The following PALM variants were observed in gnomAD, a reference collection of about 807,000 sequenced individuals.
The protein encoded by PALM is paralemmin.
A neutral mutation model predicts 30.7 loss-of-function variants in PALM; 18 were observed. The observed-to-expected ratio is 0.59, with a 90% CI of 0.41 to 0.87. The LOEUF is 0.87. Among genes scored for constraint, PALM ranks in the 40% least tolerant of loss-of-function variants. PALM has a pLI of 0.00. For synonymous variants in PALM, 286 were observed against 242.8 expected, an observed-to-expected ratio of 1.18 and a Z score of -1.66; for missense variants, 529 against 555.4, an observed-to-expected ratio of 0.95 and a Z score of 0.48.
intron 4 of PALM, 26 bp downstream of exon 4, chr19:727,720 C>T (rs370206943): frequency 1.4e-5 from 22 of 1,522,456 alleles, no homozygotes; most frequent in Admixed American, 4.1e-5. Flanking sequence ...TGGGTGCCAC[C>T]GGGCTGGGTG....
intron 1 of PALM, among the ~76,000 whole-genome samples, chr19:725,753 G>C (rs879499397): frequency 6.6e-6 from 1 of 151,986 alleles, no homozygotes; most frequent in Non-Finnish European, 1.5e-5. Flanking sequence ...GGTCTTGGTG[G>C]GCAGGAGGGT....
chr19:726,222 C>G, intron 2 of PALM, 33 bp downstream of exon 2: 2 of 1,604,382 alleles, frequency 1.2e-6, no homozygotes, highest in Non-Finnish European at 1.7e-6. Context: ...ACGGTGTGGT[C>G]AGGGTGGGGA....
chr19:740,353 C>T lies in PALM; in HGVS notation c.504C>T (p.Ala168=). Residue 168 remains alanine, a splice_region_variant and synonymous_variant, in exon 8 of 9, where the codon GCC becomes GCT. Coordinates refer to ENST00000338448, the MANE Select transcript of PALM (RefSeq NM_002579.3). ...TVDGSPMMKA[A]MYSVEITVEK... is the part of the protein sequence containing the mutation. The stretch of plus-strand genomic sequence containing the variant: ...GTAACCCCGTGACTCTCGTGCCAGC[C>T]ATGTACTCGGTTGAGATCACTGTGG... 6.4e-7 allele frequency: 1 copy of T among 1,564,220 alleles called. No individual in the cohort carries two copies. Among genetic ancestry groups the T allele is most frequent in the Non-Finnish European group, 8.7e-7 (1 of 1,153,770 alleles).
intron 7 of PALM, among the ~76,000 whole-genome samples, chr19:737,212 G>C (rs1430141386): frequency 6.6e-6 from 1 of 152,226 alleles, no homozygotes; most frequent in Non-Finnish European, 1.5e-5. Flanking sequence ...GCATTTGTCA[G>C]AGCAGGTGGT....
At chr19:731,707 T>A (rs1274775470) in intron 5 of PALM, among the ~76,000 whole-genome samples, 4 of 152,098 alleles carry the variant, frequency 2.6e-5, no homozygotes, top group African/African-American at 9.7e-5. Context: ...CTCGTTCTGT[T>A]GCCCAGGCTG....
chr19:714,563 TTA>T (rs1208101155), intron 1 of PALM, among the ~76,000 whole-genome samples: 1 of 147,648 alleles, frequency 6.8e-6, no homozygotes, highest in East Asian at 2.1e-4. Context: ...TTTCACCATG[TTA>T]ACCAGGATGG....
Position 734,155 on chromosome 19 carries a change from C to A in PALM, c.421-18C>A, listed in dbSNP as rs1253131002. ...GGGGATGCTGACGCCCCTGACCCTT[C>A]TCTCTTCTTTCTTGCAGACGCCGGT... On this transcript the variant is annotated intron_variant, in intron 5 of 8. Coordinates refer to ENST00000338448, the MANE Select transcript of PALM (RefSeq NM_002579.3). The A allele has an allele frequency of 6.8e-6, 11 of 1,613,646 alleles. No individual in the cohort carries two copies. The highest frequency in any genetic ancestry group is 9.3e-6 in the Non-Finnish European group (11 of 1,179,876).
At chr19:744,995 C>T (rs1051063309) in intron 8 of PALM, among the ~76,000 whole-genome samples, 8 of 151,644 alleles carry the variant, frequency 5.3e-5, no homozygotes, top group South Asian at 2.1e-4. Context: ...GACTGGCCAA[C>T]GTGGTGAAAC....
Position 727,687 on chromosome 19 carries a change from G to A in PALM, c.262G>A (p.Val88Met). ...GAAGACACGGCTGCTGGAGGACTCG[G>A]TGTCCAGGTGGGGGCTGCAGCGTGG... ...EQKTRLLEDS[V>M]SRLEKEIEVL... The change falls in exon 4 of 9, where the codon GTG (valine) becomes ATG (methionine). Residue 88 changes from valine to methionine, a missense_variant. Val to Met is a conservative substitution (Grantham distance 21). Coordinates refer to ENST00000338448, the MANE Select transcript of PALM (RefSeq NM_002579.3). 1 of 1,557,704 alleles carries A rather than the reference G, an allele frequency of 6.4e-7. No homozygotes were observed. The highest frequency in any genetic ancestry group is 8.7e-7 in the Non-Finnish European group (1 of 1,150,476).
intron 2 of PALM, 23 bp from the exon 3 acceptor site, chr19:726,985 A>ACCGCCC: frequency 1.1e-6 from 1 of 945,366 alleles, no homozygotes; most frequent in Non-Finnish European, 1.6e-6. Context: ...CCCATCCCTG[A>ACCGCCC]CCCCACCCGG....
chr19:719,785 T>A (rs2032396653), intron 1 of PALM: 1 of 306,560 alleles, frequency 3.3e-6, no homozygotes, highest in Admixed American at 6.5e-5. Flanking sequence ...CGCAGGAGGA[T>A]GAACGCCGGG....
rs778538628 is a variant in PALM, at chr19:726,119, C to T, written c.6-19C>T. On this transcript the variant is annotated intron_variant, in intron 1 of 8. Transcript: ENST00000338448. ...CAGGGCTCAGTGAACCAGAGCTTGA[C>T]CTTATCTCCCTCCCGCAGGGTCCTG... 4 of 1,607,522 alleles carry T rather than the reference C, an allele frequency of 2.5e-6. No homozygotes were observed. Among genetic ancestry groups the T allele is most frequent in the Non-Finnish European group, 1.7e-6 (2 of 1,174,488 alleles).
At position 742,282 on chromosome 19, in the gene PALM, G is replaced by C. The variant is rs1344651109; in HGVS notation, c.634+1799G>C. On this transcript the variant is annotated intron_variant, in intron 8 of 8. Transcript: ENST00000338448. This position sits in a 1 kb window ranked among gnomAD's most constrained non-coding sequence, Gnocchi z 5.5. ...CCACGCATCCCCTCCTGTCTCTCTG[G>C]ATTGGCCTGTCCTGGACATTTCATA... is the stretch of plus-strand genomic sequence containing the variant. Among the ~76,000 whole-genome samples, 1 of 152,010 alleles carries C rather than the reference G, an allele frequency of 6.6e-6. No homozygotes were observed. Among genetic ancestry groups the C allele is most frequent in the Non-Finnish European group, 1.5e-5 (1 of 67,996 alleles).
At chr19:722,960 T>A (rs1313701188) in intron 1 of PALM, 2 of 152,210 alleles carry the variant, frequency 1.3e-5, no homozygotes, top group Non-Finnish European at 2.9e-5. Flanking sequence ...CTCTGGGGCA[T>A]GGGAGCTGGA....
intron 8 of PALM, among the ~76,000 whole-genome samples, chr19:745,956 G>A (rs1282773002): frequency 1.3e-5 from 2 of 152,262 alleles, no homozygotes; most frequent in South Asian, 2.1e-4. Flanking sequence ...TACTCAGGAG[G>A]CTGAGGCAGG....
rs544025548 is a variant in PALM at position 747,071 on chromosome 19, C to T, written c.*257C>T. 12 of 452,094 alleles carry T rather than the reference C, an allele frequency of 2.7e-5. No individual in the cohort carries two copies. Among genetic ancestry groups the T allele is most frequent in the African/African-American group, 1.2e-4 (6 of 49,502 alleles). 28.0% of individuals were successfully genotyped at this position (452,094 alleles called of 1,614,324 possible). A position where few individuals can be genotyped will look rare whatever the true frequency, so the allele number is the denominator to read the frequency against. ...AGAGACAGGACAGACCCGCTTTTCC[C>T]GAGACAAGGACCCCCCATGTCACGG... On this transcript the variant is annotated 3_prime_UTR_variant, in exon 9 of 9. Transcript: ENST00000338448.
chr19:739,063 C>T (rs910729650), intron 7 of PALM, among the ~76,000 whole-genome samples: 2 of 152,104 alleles, frequency 1.3e-5, no homozygotes, highest in Non-Finnish European at 2.9e-5. Context: ...TTCAAGCAGG[C>T]CTGGGGGTGG....
At chr19:730,555 G>C (rs999605798) in intron 4 of PALM, among the ~76,000 whole-genome samples, 1 of 152,200 alleles carries the variant, frequency 6.6e-6, no homozygotes, top group Non-Finnish European at 1.5e-5. Context: ...CATAAACAGC[G>C]CAGGCCAGGG....
chr19:720,279 C>T (rs936324709), intron 1 of PALM, among the ~76,000 whole-genome samples: 5 of 151,844 alleles, frequency 3.3e-5, no homozygotes, highest in African/African-American at 1.2e-4. Context: ...CCCGCGGGCC[C>T]CTCCATCCAT....
Sources: gnomAD v4.1 joint callset for allele counts (sites outside exome capture counted in the v4.1 genomes callset) on GRCh38, gnomAD v4.1.1 for gene constraint, Gnocchi (gnomAD v3.1) non-coding constraint, MANE v1.5 for transcripts, NCBI Gene and HGNC (gene_info 2026-07-23, HGNC 2026-07-21) for gene names.